Variants in COLGALT2 observed in about 807,000 individuals in gnomAD.
COLGALT2 encodes procollagen galactosyltransferase 2.
Under a neutral mutation model 73.4 loss-of-function variants are expected in COLGALT2, and 49 were observed. That is an observed-to-expected ratio of 0.67 (90% CI 0.53 to 0.85). The LOEUF is 0.85. Among genes scored for constraint, COLGALT2 ranks in the 40% least tolerant of loss-of-function variants. The pLI is 0.00. For missense variants in COLGALT2, 722 were observed against 790.2 expected (o/e 0.91, Z 1.03); for synonymous variants, 295 against 307.6 (o/e 0.96, Z 0.43).
At chr1:184,021,781 G>T (rs2102855432) in intron 1 of COLGALT2, among the ~76,000 whole-genome samples, 1 of 152,342 alleles carries the variant, frequency 6.6e-6, no homozygotes, top group Admixed American at 6.5e-5. Context: ...TATCTATTTA[G>T]TTGAGAATGT....
Position 183,938,031 on chromosome 1 carries a change from T to G in COLGALT2, c.*730A>C. On this transcript the variant is annotated 3_prime_UTR_variant, in exon 12 of 12. Coordinates refer to ENST00000361927, the MANE Select transcript of COLGALT2 (RefSeq NM_015101.4). Reference sequence around the variant, plus strand: ...TGGCCATAATAAAAAAGCCAAACATTGAGTTTTTTCCCTCAAATACCTACA... The same window carrying G: ...TGGCCATAATAAAAAAGCCAAACATGGAGTTTTTTCCCTCAAATACCTACA... 1 of 985,354 alleles carries G rather than the reference T, an allele frequency of 1.0e-6. No individual in the cohort carries two copies. The highest frequency in any genetic ancestry group is 1.2e-6 in the Non-Finnish European group (1 of 829,938). The allele number at this position is 985,354 out of a possible 1,614,324, so 61.0% of individuals were successfully genotyped here. A position where few individuals can be genotyped will look rare whatever the true frequency, so the allele number is the denominator to read the frequency against.
At chr1:183,985,983 A>G (rs1257641324) in intron 1 of COLGALT2, among the ~76,000 whole-genome samples, 1 of 152,216 alleles carries the variant, frequency 6.6e-6, no homozygotes, top group African/African-American at 2.4e-5. Flanking sequence ...AATTCCACTA[A>G]TGAAAGCAAC....
At chr1:183,973,943 G>A (rs556447092) in intron 3 of COLGALT2, among the ~76,000 whole-genome samples, 193 bp from the exon 4 acceptor site, 2 of 152,214 alleles carry the variant, frequency 1.3e-5, no homozygotes, top group African/African-American at 4.8e-5. Flanking sequence ...TCTAACTTTC[G>A]TATGTTGGGC....
chr1:184,000,876 C>T (rs1671902365), intron 1 of COLGALT2, among the ~76,000 whole-genome samples: 1 of 143,412 alleles, frequency 7.0e-6, no homozygotes. Context: ...GTCGCCCAGG[C>T]TGGAGTGCAG....
chr1:184,020,367 T>C (rs1048781652), intron 1 of COLGALT2, among the ~76,000 whole-genome samples: 2 of 152,220 alleles, frequency 1.3e-5, no homozygotes, highest in African/African-American at 2.4e-5. Flanking sequence ...AAAAATACTA[T>C]ATACTGTTGT....
intron 1 of COLGALT2, among the ~76,000 whole-genome samples, chr1:183,985,672 T>C (rs760185111): frequency 9.9e-5 from 15 of 152,180 alleles, no homozygotes; most frequent in Non-Finnish European, 2.1e-4. Context: ...TCTGTCACTA[T>C]AGAAGAGGTC....
chr1:184,015,817 A>G (rs1005392071), intron 1 of COLGALT2, among the ~76,000 whole-genome samples: 1 of 152,180 alleles, frequency 6.6e-6, no homozygotes, highest in African/African-American at 2.4e-5. Flanking sequence ...TGGTAAATTG[A>G]GTAAAAAGCT....
intron 11 of COLGALT2, among the ~76,000 whole-genome samples, chr1:183,939,482 C>T (rs1006985297): frequency 3.3e-5 from 5 of 152,284 alleles, no homozygotes; most frequent in African/African-American, 1.2e-4. Context: ...TCCCTGCTCA[C>T]CACTCCGGTT....
At chr1:183,990,285 A>C (rs887520437) in intron 1 of COLGALT2, among the ~76,000 whole-genome samples, 1 of 152,174 alleles carries the variant, frequency 6.6e-6, no homozygotes. Flanking sequence ...TATGTGCTCA[A>C]TAAATATTTG....
At chr1:183,950,728 C>A (rs1257703941) in intron 8 of COLGALT2, among the ~76,000 whole-genome samples, 1 of 152,140 alleles carries the variant, frequency 6.6e-6, no homozygotes, top group African/African-American at 2.4e-5. Flanking sequence ...GGCTGAAAAC[C>A]ACCACAACTG....
intron 1 of COLGALT2, among the ~76,000 whole-genome samples, chr1:184,036,136 C>A (rs1649665986): frequency 2.0e-5 from 3 of 152,190 alleles, no homozygotes; most frequent in Non-Finnish European, 4.4e-5. Flanking sequence ...GTCCGAGTAC[C>A]TACCTGACAG....
chr1:183,943,052 G>A (rs781256132), intron 10 of COLGALT2, among the ~76,000 whole-genome samples: 19 of 152,218 alleles, frequency 1.2e-4, no homozygotes, highest in African/African-American at 4.3e-4. Flanking sequence ...GAAGTGCAGC[G>A]ACTTCTGGAG....
intron 1 of COLGALT2, among the ~76,000 whole-genome samples, chr1:184,031,723 G>A (rs953941641): frequency 1.3e-5 from 2 of 152,130 alleles, no homozygotes; most frequent in African/African-American, 4.8e-5. Flanking sequence ...TAAAGTGATA[G>A]AGTAGAATGT....
In COLGALT2 at chr1:183,973,649, C is replaced by T; in HGVS notation, c.594G>A (p.Leu198=). 1 of 1,613,982 alleles carries T rather than the reference C, an allele frequency of 6.2e-7. No homozygotes were observed. Among genetic ancestry groups the T allele is most frequent in the Non-Finnish European group, 8.5e-7 (1 of 1,179,976 alleles). Residue 198 remains leucine, a synonymous_variant, in exon 4 of 12, where the codon CTG becomes CTA. Transcript: ENST00000361927. ...IVAPMLESRG[L]YSNFWCGITP... ...TGATTCCGCACCAGAAATTAGAATA[C>T]AGGCCCCGAGACTCCAGCATGGGGG... is the stretch of plus-strand genomic sequence containing the variant.
chr1:183,940,779 C>T lies in COLGALT2; in HGVS notation c.1406G>A (p.Gly469Asp). ...CTCCTTTACTTGCATCCTCTTCCTA[C>T]CAATATAACTGTAAGGAAATGGCAG... The part of the protein sequence containing the change: ...AQLDWELIYI[G>D]RKRMQVKEPE... Residue 469 changes from glycine (G) to aspartate (D), a missense_variant, in exon 11 of 12, where the codon GGT becomes GAT. Physicochemically the swap from Gly to Asp is moderately conservative, Grantham distance 94. Coordinates refer to ENST00000361927, the MANE Select transcript of COLGALT2 (RefSeq NM_015101.4). 6.2e-7 allele frequency: 1 copy of T among 1,613,910 alleles called. No individual in the cohort carries two copies. Among genetic ancestry groups the T allele is most frequent in the Non-Finnish European group, 8.5e-7 (1 of 1,179,782 alleles).
At chr1:183,997,421 T>C (rs985429148) in intron 1 of COLGALT2, among the ~76,000 whole-genome samples, 1 of 152,208 alleles carries the variant, frequency 6.6e-6, no homozygotes, top group Non-Finnish European at 1.5e-5. Flanking sequence ...GCCAATAATC[T>C]CTAGTCTGAA....
At chr1:183,961,378 G>A (rs1217798422) in intron 6 of COLGALT2, among the ~76,000 whole-genome samples, 2 of 143,646 alleles carry the variant, frequency 1.4e-5, no homozygotes, top group Non-Finnish European at 3.1e-5. Context: ...AGCCCTGTGG[G>A]AGAAAACAAG....
downstream of COLGALT2, among the ~76,000 whole-genome samples, chr1:183,931,861 A>T (rs1381355128): frequency 1.9e-4 from 11 of 59,402 alleles, no homozygotes; most frequent in South Asian, 6.3e-4. Context: ...TTCCTGCCAT[A>T]AAAAAAAAAA....
chr1:184,028,568 G>C (rs941005370), intron 1 of COLGALT2, among the ~76,000 whole-genome samples: 47 of 152,310 alleles, frequency 3.1e-4, no homozygotes, highest in South Asian at 2.1e-3. Context: ...CCTCTCTGCA[G>C]CCTGATGTAT....
Sources: allele counts gnomAD v4.1 joint callset (sites outside exome capture counted in the v4.1 genomes callset), GRCh38; gene constraint gnomAD v4.1.1; transcripts MANE v1.5; gene names NCBI Gene and HGNC (gene_info 2026-07-23, HGNC 2026-07-21).